The following COTL1 variants were observed in gnomAD, a reference collection of about 807,000 sequenced individuals.
COTL1 encodes the protein coactosin-like protein.
In COTL1, 15 loss-of-function variants were observed where a neutral mutation model predicts 16.5. That is an observed-to-expected ratio of 0.91 (90% CI 0.61 to 1.40). The LOEUF (loss-of-function observed/expected upper bound fraction) is 1.40. COTL1 is among the 40% of genes most tolerant of loss of function. COTL1 has a pLI of 0.00. For missense variants in COTL1, 220 were observed against 201.5 expected (o/e 1.09, Z -0.56); for synonymous variants, 112 against 85.3 (o/e 1.31, Z -1.73).
chr16:84,598,305 G>C (rs1419930750), intron 2 of COTL1, among the ~76,000 whole-genome samples: 1 of 152,224 alleles, frequency 6.6e-6, no homozygotes, highest in Non-Finnish European at 1.5e-5. Flanking sequence ...GCCAATGATG[G>C]AGCTTTGGCT....
intron 3 of COTL1, among the ~76,000 whole-genome samples, chr16:84,580,815 T>C (rs1904571215): frequency 1.3e-5 from 2 of 152,346 alleles, no homozygotes; most frequent in Admixed American, 6.5e-5. Context: ...ATGGGAGCTT[T>C]TTATTTTTCA....
rs908714027 is a variant in COTL1 at position 84,606,412 on chromosome 16, G to A, written c.160+11089C>T. Among the ~76,000 whole-genome samples the A allele has an allele frequency of 5.3e-5, 8 of 152,372 alleles. No individual in the cohort carries two copies. The East Asian group carries it at 9.6e-4, about 18-fold the overall frequency. ...TGCCTACTCAACAACATCTGTGCAG[G>A]CTGCCAGGTACTGTTCCCAGCGCTG... On this transcript the variant is annotated intron_variant, in intron 2 of 3. Transcript: ENST00000262428.
intron 3 of COTL1, among the ~76,000 whole-genome samples, chr16:84,571,692 G>A (rs1274962350): frequency 1.3e-5 from 2 of 152,156 alleles, no homozygotes; most frequent in African/African-American, 4.8e-5. Context: ...TCACCTCACC[G>A]GCAGACTGGT....
At chr16:84,581,434 A>G (rs1264218018) in intron 3 of COTL1, among the ~76,000 whole-genome samples, 1 of 152,042 alleles carries the variant, frequency 6.6e-6, no homozygotes, top group Non-Finnish European at 1.5e-5. Flanking sequence ...AGCCTCGTAA[A>G]TCTCATCCCA....
At chr16:84,575,140 C>A (rs1170866160) in intron 3 of COTL1, among the ~76,000 whole-genome samples, 1 of 151,408 alleles carries the variant, frequency 6.6e-6, no homozygotes, top group African/African-American at 2.4e-5. Flanking sequence ...CGGGTTCAAG[C>A]GATTCTCCTG....
chr16:84,572,696 A>T (rs1227811391), intron 3 of COTL1, among the ~76,000 whole-genome samples: 1 of 152,114 alleles, frequency 6.6e-6, no homozygotes, highest in African/African-American at 2.4e-5. Flanking sequence ...TCCTGGGCTC[A>T]AGCGATCCAC....
chr16:84,584,499 C>T (rs1301056344), intron 3 of COTL1, among the ~76,000 whole-genome samples: 8 of 152,160 alleles, frequency 5.3e-5, no homozygotes, highest in Non-Finnish European at 1.2e-4. Flanking sequence ...ACCTGTGTGC[C>T]GGCCACAGGT....
At chr16:84,606,195 C>T (rs1905207979) in intron 2 of COTL1, among the ~76,000 whole-genome samples, 1 of 152,230 alleles carries the variant, frequency 6.6e-6, no homozygotes, top group Non-Finnish European at 1.5e-5. Flanking sequence ...GTCACAGGCA[C>T]TTGCTTAAGT....
chr16:84,567,178 T>C, intron 3 of COTL1: 1 of 503,162 alleles, frequency 2.0e-6, no homozygotes, highest in Non-Finnish European at 3.6e-6. Context: ...GAGGAGGGAG[T>C]GGGGCAGATC....
chr16:84,617,775 C>T, intron 1 of COTL1, 63 bp downstream of exon 1: 11 of 1,490,588 alleles, frequency 7.4e-6, no homozygotes, highest in Non-Finnish European at 1.0e-5. Flanking sequence ...GAGGCCGGCT[C>T]GGTGCACGAG....
chr16:84,590,066 G>T lies in COTL1; in HGVS notation c.318+39C>A. 1 of 1,580,780 alleles carries T rather than the reference G, an allele frequency of 6.3e-7. No homozygotes were observed. Among genetic ancestry groups the T allele is most frequent in the Non-Finnish European group, 8.6e-7 (1 of 1,156,790 alleles). ...CCCTCCTTGCAGGATGGTGACCCTTGGCGAGCTTTGACCTCCAGACTCTGG... is the reference window on the plus strand; with the variant it reads ...CCCTCCTTGCAGGATGGTGACCCTTTGCGAGCTTTGACCTCCAGACTCTGG... On this transcript the variant is annotated intron_variant, in intron 3 of 3. Transcript: ENST00000262428. This position sits in a 1 kb window ranked among gnomAD's most constrained non-coding sequence, Gnocchi z 5.5.
intron 3 of COTL1, among the ~76,000 whole-genome samples, chr16:84,578,986 C>A (rs891059991): frequency 6.6e-6 from 1 of 151,858 alleles, no homozygotes; most frequent in Non-Finnish European, 1.5e-5. Context: ...TCCAAGCATG[C>A]GTACACACAT....
chr16:84,588,329 A>G (rs1342015589), intron 3 of COTL1, among the ~76,000 whole-genome samples: 1 of 152,164 alleles, frequency 6.6e-6, no homozygotes, highest in Admixed American at 6.6e-5. Flanking sequence ...TAACACACAC[A>G]TACATATTTC....
At chr16:84,570,420 G>C (rs973581000) in intron 3 of COTL1, among the ~76,000 whole-genome samples, 4 of 151,606 alleles carry the variant, frequency 2.6e-5, no homozygotes, top group African/African-American at 9.7e-5. Flanking sequence ...AGCAGATCTA[G>C]TAAAACATAA....
intron 3 of COTL1, among the ~76,000 whole-genome samples, chr16:84,579,365 G>A (rs1034371110): frequency 3.3e-5 from 5 of 152,234 alleles, no homozygotes; most frequent in South Asian, 2.1e-4. Context: ...GCATACACCT[G>A]TAGTCCCAGC....
chr16:84,593,570 G>A (rs1291052273), intron 2 of COTL1, among the ~76,000 whole-genome samples: 1 of 150,752 alleles, frequency 6.6e-6, no homozygotes, highest in East Asian at 1.9e-4. Flanking sequence ...GGAGTGCAGT[G>A]GCGCGATCTC....
chr16:84,566,033 A>G lies in COTL1; in HGVS notation c.*812T>C, dbSNP rs1184837643. 6.6e-6 allele frequency: 1 copy of G among 152,646 alleles called. No homozygotes were observed. The highest frequency in any genetic ancestry group is 1.5e-5 in the Non-Finnish European group (1 of 68,062). The allele number at this position is 152,646 out of a possible 1,614,324, so 9.5% of individuals were successfully genotyped here. ...ATCTTGTCGCTTTGGGAGCCCCTGA[A>G]GTGAACCCTGAAATACTCCCTCCGT... On this transcript the variant is annotated 3_prime_UTR_variant, in exon 4 of 4. Transcript: ENST00000262428.
chr16:84,581,509 G>T (rs1275559154), intron 3 of COTL1, among the ~76,000 whole-genome samples: 2 of 151,746 alleles, frequency 1.3e-5, no homozygotes, highest in African/African-American at 4.8e-5. Context: ...CTAATTTTTT[G>T]TTGTTGTTGT....
intron 3 of COTL1, among the ~76,000 whole-genome samples, chr16:84,579,851 G>A (rs180965453): frequency 1.3e-5 from 2 of 152,352 alleles, no homozygotes; most frequent in African/African-American, 2.4e-5. Context: ...CATACACAGG[G>A]GCAAGATGTA....
Sources: gnomAD v4.1 joint callset for allele counts (sites outside exome capture counted in the v4.1 genomes callset) on GRCh38, gnomAD v4.1.1 for gene constraint, Gnocchi (gnomAD v3.1) non-coding constraint, MANE v1.5 for transcripts, NCBI Gene and HGNC (gene_info 2026-07-23, HGNC 2026-07-21) for gene names.